Variants in ARHGAP11A observed in about 807,000 individuals in gnomAD.
The protein encoded by ARHGAP11A is Rho GTPase activating protein 11A, also known as rho GTPase-activating protein 11A.
In ARHGAP11A, 36 loss-of-function variants were observed where a neutral mutation model predicts 60.5. That is an observed-to-expected ratio of 0.59 (90% CI 0.46 to 0.79). The LOEUF is 0.79. Among genes scored for constraint, ARHGAP11A ranks in the 30% least tolerant of loss-of-function variants. The probability of loss-of-function intolerance (pLI) is 0.00; values close to 1 mark genes in which losing one functional copy is unlikely to be tolerated. For synonymous variants in ARHGAP11A, 362 were observed against 415.5 expected, an observed-to-expected ratio of 0.87 and a Z score of 1.57; for missense variants, 1,071 against 1,199.2, an observed-to-expected ratio of 0.89 and a Z score of 1.58.
At chr15:32,624,541 T>C in intron 4 of ARHGAP11A, 115 bp downstream of exon 4, 1 of 1,443,218 alleles carries the variant, frequency 6.9e-7, no homozygotes, top group African/African-American at 1.4e-5. Context: ...AAAAATTCCA[T>C]ATTTCATTAC....
chr15:32,638,511 A>C lies in ARHGAP11A; in HGVS notation c.*666A>C, dbSNP rs993624119. Reference sequence around the variant, plus strand: ...TCAGATAAGGTTTCTAAAATAAATAAATTTCTAGCATATAAAGGGTAGAGA... The same window carrying C: ...TCAGATAAGGTTTCTAAAATAAATACATTTCTAGCATATAAAGGGTAGAGA... On this transcript the variant is annotated 3_prime_UTR_variant, in exon 12 of 12. Transcript: ENST00000361627. The C allele has an allele frequency of 1.3e-5, 2 of 152,230 alleles. No individual in the cohort carries two copies. Among genetic ancestry groups the C allele is most frequent in the African/African-American group, 4.8e-5 (2 of 41,452 alleles). The allele number at this position is 152,230 out of a possible 1,614,324, so 9.4% of individuals were successfully genotyped here.
chr15:32,620,433 C>T (rs1452911099), intron 2 of ARHGAP11A, among the ~76,000 whole-genome samples: 2 of 151,458 alleles, frequency 1.3e-5, no homozygotes, highest in Admixed American at 6.6e-5. Context: ...GCCTTCTAGC[C>T]AGGGAAATGA....
In ARHGAP11A at chr15:32,638,962, G is replaced by A. The variant is rs1209033629; in HGVS notation, c.*1117G>A. On this transcript the variant is annotated 3_prime_UTR_variant, in exon 12 of 12. Transcript: ENST00000361627. ...ATGCACCTCTTTACCTTTTTTACTT[G>A]GATAAAAACCTATGATGATTTTGTC... 1 of 152,362 alleles carries A rather than the reference G, an allele frequency of 6.6e-6. No individual in the cohort carries two copies. Among genetic ancestry groups the A allele is most frequent in the African/African-American group, 2.4e-5 (1 of 41,338 alleles). 9.4% of individuals were successfully genotyped at this position (152,362 alleles called of 1,614,324 possible).
intron 9 of ARHGAP11A, 69 bp from the exon 10 acceptor site, chr15:32,633,864 A>C (rs11857729): frequency 0.045 from 41,988 of 933,254 alleles, 1,099 homozygotes; most frequent in East Asian, 0.091. Flanking sequence ...TTTATTTCAA[A>C]TTTCGTATTT....
chr15:32,620,401 C>T lies in ARHGAP11A; in HGVS notation c.200+223C>T, dbSNP rs548116477. Among the ~76,000 whole-genome samples the T allele has an allele frequency of 5.0e-3, 755 of 152,058 alleles. 5 individuals carry two copies. The highest frequency in any genetic ancestry group is 0.017 in the Middle Eastern group (5 of 294). ...CTGGGGTGGGAGGATTGCTTGAGCCCAGGAGGTGGAGGCTGCAGTGAGCCT... is the reference window on the plus strand; with the variant it reads ...CTGGGGTGGGAGGATTGCTTGAGCCTAGGAGGTGGAGGCTGCAGTGAGCCT... On this transcript the variant is annotated intron_variant, in intron 2 of 11. Transcript: ENST00000361627.
At chr15:32,620,001 T>C in intron 1 of ARHGAP11A, 107 bp from the exon 2 acceptor site, 2 of 1,554,414 alleles carry the variant, frequency 1.3e-6, no homozygotes, top group Non-Finnish European at 1.7e-6. Flanking sequence ...TTATCATTTA[T>C]TTCTGATTTT....
At chr15:32,618,480 A>G (rs1356339682) in intron 1 of ARHGAP11A, among the ~76,000 whole-genome samples, 2 of 152,196 alleles carry the variant, frequency 1.3e-5, no homozygotes, top group Non-Finnish European at 2.9e-5. Flanking sequence ...ATATTTTTTG[A>G]ATGCTTACTG....
rs182795888 is a variant in ARHGAP11A at position 32,620,316 on chromosome 15, C to T, written c.200+138C>T. 378 of 1,477,028 alleles carry T rather than the reference C, an allele frequency of 2.6e-4. No individual in the cohort carries two copies. The African/African-American group carries it at 4.5e-3, about 18-fold the overall frequency. The allele number at this position is 1,477,028 out of a possible 1,614,324, so 91.5% of individuals were successfully genotyped here. On this transcript the variant is annotated intron_variant, in intron 2 of 11. Coordinates refer to ENST00000361627, the MANE Select transcript of ARHGAP11A (RefSeq NM_014783.6). ...CCTGGGCAACATGGTGAGACCTTGTCGCAAAAGATAGAAAAATTAGCTTGG... is the reference window on the plus strand; with the variant it reads ...CCTGGGCAACATGGTGAGACCTTGTTGCAAAAGATAGAAAAATTAGCTTGG...
At chr15:32,628,638 A>G (rs1221799727) in intron 6 of ARHGAP11A, 90 bp from the exon 7 acceptor site, 1 of 973,454 alleles carries the variant, frequency 1.0e-6, no homozygotes, top group Non-Finnish European at 1.5e-6. Context: ...GTAAAGTTAC[A>G]TGTTGAAAGA....
intron 6 of ARHGAP11A, 22 bp from the exon 7 acceptor site, chr15:32,628,706 T>C (rs1350953547): frequency 6.5e-7 from 1 of 1,543,592 alleles, no homozygotes; most frequent in Non-Finnish European, 8.7e-7. Flanking sequence ...GAAGTTGTAA[T>C]TGCTTATGCC....
intron 6 of ARHGAP11A, among the ~76,000 whole-genome samples, chr15:32,627,511 T>C (rs1462099105): frequency 1.3e-5 from 2 of 151,958 alleles, no homozygotes; most frequent in Admixed American, 6.5e-5. Flanking sequence ...GGGCGGATCA[T>C]GAGGTCAGGA....
Position 32,615,938 on chromosome 15 carries a change from G to C in ARHGAP11A, c.-274G>C. On this transcript the variant is annotated 5_prime_UTR_variant, in exon 1 of 12. Transcript: ENST00000361627. ...GTCTATGTGAGTAGCTGAAAGCATT[G>C]GGTGACCAGAAAGAAGGTCGGTGTA... 1 of 510,158 alleles carries C rather than the reference G, an allele frequency of 2.0e-6. No homozygotes were observed. Among genetic ancestry groups the C allele is most frequent in the Non-Finnish European group, 3.5e-6 (1 of 289,364 alleles). 31.6% of individuals were successfully genotyped at this position (510,158 alleles called of 1,614,324 possible). A position where few individuals can be genotyped will look rare whatever the true frequency, so the allele number is the denominator to read the frequency against.
intron 1 of ARHGAP11A, among the ~76,000 whole-genome samples, chr15:32,616,937 A>G (rs2053166705): frequency 1.3e-5 from 2 of 152,214 alleles, no homozygotes; most frequent in Admixed American, 6.5e-5. Flanking sequence ...CTGCTTGGCC[A>G]TGTCATACTT....
rs370442091 is a variant in ARHGAP11A, at chr15:32,636,526, A to T, written c.1753A>T (p.Ser585Cys). ...TAGCAACATAACAAGTAGCCCTCTT[A>T]GCGGGGATGAAAATAACATGACCAA... The part of the protein sequence containing the change: ...HNSNITSSPL[S>C]GDENNMTKET... Residue 585 changes from serine (S) to cysteine (C), a missense_variant, in exon 12 of 12, where the codon AGC becomes TGC. This residue lies in a region of ARHGAP11A where 776 missense variants were observed against 760.2 expected (regional missense o/e 1.02). Coordinates refer to ENST00000361627, the MANE Select transcript of ARHGAP11A (RefSeq NM_014783.6). The T allele has an allele frequency of 1.3e-5, 21 of 1,614,020 alleles. No homozygotes were observed. Among genetic ancestry groups the T allele is most frequent in the Non-Finnish European group, 1.8e-5 (21 of 1,179,990 alleles).
At chr15:32,629,014 T>C (rs1426067738) in intron 7 of ARHGAP11A, among the ~76,000 whole-genome samples, 1 of 152,190 alleles carries the variant, frequency 6.6e-6, no homozygotes, top group East Asian at 1.9e-4. Flanking sequence ...GCAAAAATTT[T>C]TTTAGTCTCC....
chr15:32,618,445 A>G (rs1344891948), intron 1 of ARHGAP11A, among the ~76,000 whole-genome samples: 1 of 152,270 alleles, frequency 6.6e-6, no homozygotes, highest in Non-Finnish European at 1.5e-5. Flanking sequence ...AGTTCAGCTT[A>G]AAATGATGAT....
Position 32,629,708 on chromosome 15 carries a change from A to T in ARHGAP11A, c.1051A>T (p.Asn351Tyr). 1 of 1,613,282 alleles carries T rather than the reference A, an allele frequency of 6.2e-7. No individual in the cohort carries two copies. Among genetic ancestry groups the T allele is most frequent in the Non-Finnish European group, 8.5e-7 (1 of 1,179,726 alleles). ...AAGGAAGTCCATCAAGCACAATTTT[A>T]ACTTTGAGCTGTTGCCAAGTAATCT... ...KKRKSIKHNF[N>Y]FELLPSNLFN... Residue 351 changes from asparagine to tyrosine, a missense_variant, in exon 8 of 12, where the codon AAC becomes TAC. Asn to Tyr is a moderately radical substitution (Grantham distance 143). Coordinates refer to ENST00000361627, the MANE Select transcript of ARHGAP11A (RefSeq NM_014783.6).
At chr15:32,621,211 CAA>C (rs2053293151) in intron 2 of ARHGAP11A, among the ~76,000 whole-genome samples, 1 of 78,306 alleles carries the variant, frequency 1.3e-5, no homozygotes, top group Non-Finnish European at 2.3e-5. Flanking sequence ...TTTTTTGAGA[CAA>C]GAGTTTCACT....
At chr15:32,636,016 A>G in intron 11 of ARHGAP11A, 101 bp downstream of exon 11, 2 of 1,431,316 alleles carry the variant, frequency 1.4e-6, no homozygotes, top group Non-Finnish European at 1.8e-6. Context: ...CTAGAGATTA[A>G]AAGTTCATGT....
Sources: allele counts gnomAD v4.1 joint callset (sites outside exome capture counted in the v4.1 genomes callset), GRCh38; gene constraint gnomAD v4.1.1; regional missense constraint gnomAD v4.1.1; transcripts MANE v1.5; gene names NCBI Gene and HGNC (gene_info 2026-07-23, HGNC 2026-07-21).